Variants in ESR1 observed in about 807,000 individuals in gnomAD.
The protein encoded by ESR1 is estrogen receptor 1, also known as estrogen receptor.
A neutral mutation model predicts 52.7 loss-of-function variants in ESR1; 12 were observed. The observed-to-expected ratio is 0.23, with a 90% CI of 0.15 to 0.37. The LOEUF (loss-of-function observed/expected upper bound fraction) is 0.37, where lower values mean the gene tolerates loss of function less well. Among genes scored for constraint, ESR1 ranks in the 10% least tolerant of loss-of-function variants. The pLI is 1.00. For missense variants in ESR1, 584 were observed against 779.7 expected, an observed-to-expected ratio of 0.75 and a Z score of 2.99; for synonymous variants, 305 against 316.8, an observed-to-expected ratio of 0.96 and a Z score of 0.39.
At chr6:152,019,571 G>T (rs111531256) in intron 5 of ESR1, among the ~76,000 whole-genome samples, 84 of 152,224 alleles carry the variant, frequency 5.5e-4, no homozygotes, top group African/African-American at 1.9e-3. Flanking sequence ...TGTGTAGGAG[G>T]TTAATTTGAC....
rs1778117490 is a variant in ESR1, at chr6:151,807,764, C to G, written c.-149C>G. The G allele has an allele frequency of 2.5e-6, 2 of 797,136 alleles. No homozygotes were observed. The highest frequency in any genetic ancestry group is 3.4e-5 in the African/African-American group (2 of 58,956). 49.4% of individuals were successfully genotyped at this position (797,136 alleles called of 1,614,324 possible). On this transcript the variant is annotated 5_prime_UTR_variant, in exon 1 of 8. Coordinates refer to ENST00000206249, the MANE Select transcript of ESR1 (RefSeq NM_000125.4). The stretch of plus-strand genomic sequence containing the variant: ...TCACCGGACCCGCAGGCTCCCGGGG[C>G]AGGGCCGGGGCCAGAGCTCGCGTGT...
At chr6:151,764,901 T>G (rs1784929883) in intron 2 of ESR1, among the ~76,000 whole-genome samples, 1 of 152,180 alleles carries the variant, frequency 6.6e-6, no homozygotes, top group East Asian at 1.9e-4. Context: ...TTCTTTTTTT[T>G]GAATCAATTA....
At chr6:151,897,627 T>C (rs185487396) in intron 3 of ESR1, among the ~76,000 whole-genome samples, 274 of 152,338 alleles carry the variant, frequency 1.8e-3, no homozygotes, top group Non-Finnish European at 3.0e-3. Flanking sequence ...GGTGATTGCT[T>C]ATCCATTCTG....
intron 2 of ESR1, among the ~76,000 whole-genome samples, chr6:151,704,479 T>C (rs1780034435): frequency 6.6e-6 from 1 of 152,186 alleles, no homozygotes; most frequent in Non-Finnish European, 1.5e-5. Flanking sequence ...GGTCTTGAAC[T>C]CCTGACCTCA....
rs1778085376 is a variant in ESR1 at position 151,672,151 on chromosome 6, A to G, written n.73+15388A>G. On this transcript the variant is annotated intron_variant and non_coding_transcript_variant, in intron 1 of 2. Transcript: ENST00000473497. Reference sequence around the variant, plus strand: ...CCTGGACAACTTCGAAGTTCTTACCACAAAAAAATGATAAGTATGTGAGGT... The same window carrying G: ...CCTGGACAACTTCGAAGTTCTTACCGCAAAAAAATGATAAGTATGTGAGGT... 2.0e-5 allele frequency among the ~76,000 whole-genome samples: 3 copies of G among 151,256 alleles called. No individual in the cohort carries two copies. The South Asian group carries it at 6.3e-4, about 32-fold the overall frequency.
chr6:151,732,199 A>T (rs539314235), intron 2 of ESR1, among the ~76,000 whole-genome samples: 2 of 152,198 alleles, frequency 1.3e-5, no homozygotes, highest in Admixed American at 1.3e-4. Flanking sequence ...TCAATTATAA[A>T]ATTGCCACTA....
chr6:152,007,528 T>C (rs757988513), intron 4 of ESR1, among the ~76,000 whole-genome samples: 9 of 152,046 alleles, frequency 5.9e-5, no homozygotes, highest in Non-Finnish European at 1.0e-4. Context: ...CTGTTTTCAA[T>C]ATATCATCTC....
At chr6:152,003,635 T>G (rs1258623275) in intron 4 of ESR1, among the ~76,000 whole-genome samples, 1 of 151,888 alleles carries the variant, frequency 6.6e-6, no homozygotes, top group Non-Finnish European at 1.5e-5. Context: ...GCATAATTAT[T>G]TAGGAGAGGA....
intron 6 of ESR1, among the ~76,000 whole-genome samples, chr6:152,072,232 A>G (rs12055837): frequency 2.0e-5 from 3 of 151,994 alleles, no homozygotes; most frequent in African/African-American, 7.3e-5. Context: ...TGTTATGTTC[A>G]TTTTAAGTTT....
At chr6:151,670,964 C>G (rs1778036557) in intron 1 of ESR1, among the ~76,000 whole-genome samples, 1 of 151,930 alleles carries the variant, frequency 6.6e-6, no homozygotes. Flanking sequence ...GATGGGGTTT[C>G]ACCGTGTTGA....
chr6:151,685,834 T>C (rs954892395), upstream of ESR1, among the ~76,000 whole-genome samples: 1 of 152,312 alleles, frequency 6.6e-6, no homozygotes, highest in East Asian at 1.9e-4. Context: ...TATGTGTGTA[T>C]ATAAAGAGGA....
At chr6:151,786,801 A>C (rs12661437) in intron 2 of ESR1, among the ~76,000 whole-genome samples, 1 of 151,672 alleles carries the variant, frequency 6.6e-6, no homozygotes, top group African/African-American at 2.4e-5. Flanking sequence ...GAGTCTTTTC[A>C]CCATTGCTTA....
intron 2 of ESR1, among the ~76,000 whole-genome samples, chr6:151,782,656 A>C (rs1786657904): frequency 6.6e-6 from 1 of 151,972 alleles, no homozygotes; most frequent in African/African-American, 2.4e-5. Flanking sequence ...ACATTTTAAC[A>C]TTCCTCATTA....
chr6:151,835,539 G>A (rs1217123522), intron 1 of ESR1, among the ~76,000 whole-genome samples: 3 of 152,192 alleles, frequency 2.0e-5, no homozygotes, highest in Non-Finnish European at 4.4e-5. Flanking sequence ...AAGGTGTTAC[G>A]TATCTAAGAA....
Position 151,666,307 on chromosome 6 carries a change from G to C in ESR1, n.73+9544G>C, listed in dbSNP as rs117318855. 7.0e-3 allele frequency among the ~76,000 whole-genome samples: 1,063 copies of C among 152,306 alleles called. 3 individuals carry two copies. The highest frequency in any genetic ancestry group is 0.011 in the Non-Finnish European group (770 of 68,014). ...TGTGTGGTTGGTGTGGAGAGAGAGAGACACACGCACTTCCTTTAGCCATCA... is the reference window on the plus strand; with the variant it reads ...TGTGTGGTTGGTGTGGAGAGAGAGACACACACGCACTTCCTTTAGCCATCA... On this transcript the variant is annotated intron_variant and non_coding_transcript_variant, in intron 1 of 2. Coordinates refer to the ESR1 transcript ENST00000473497.
At chr6:152,076,161 G>A (rs1352278526) in intron 6 of ESR1, among the ~76,000 whole-genome samples, 1 of 152,174 alleles carries the variant, frequency 6.6e-6, no homozygotes, top group Admixed American at 6.5e-5. Flanking sequence ...TCCATGTGTT[G>A]TGGGAGGGAC....
chr6:151,827,874 AAC>A (rs1781771313), intron 1 of ESR1, among the ~76,000 whole-genome samples: 1 of 152,228 alleles, frequency 6.6e-6, no homozygotes, highest in African/African-American at 2.4e-5. Flanking sequence ...TTTAAAGATT[AAC>A]ATCAAGCATC....
intron 3 of ESR1, among the ~76,000 whole-genome samples, chr6:151,897,070 A>C (rs1795640772): frequency 6.6e-6 from 1 of 152,076 alleles, no homozygotes; most frequent in African/African-American, 2.4e-5. Flanking sequence ...TAATTTTCTT[A>C]GTTTTTTTGA....
At chr6:151,760,953 T>C (rs1376929076) in intron 2 of ESR1, among the ~76,000 whole-genome samples, 2 of 152,240 alleles carry the variant, frequency 1.3e-5, no homozygotes, top group Non-Finnish European at 2.9e-5. Context: ...TTTTGTGTGC[T>C]TATTAGCATA....
Sources: gnomAD v4.1 joint callset for allele counts (sites outside exome capture counted in the v4.1 genomes callset) on GRCh38, gnomAD v4.1.1 for gene constraint, MANE v1.5 for transcripts, NCBI Gene and HGNC (gene_info 2026-07-23, HGNC 2026-07-21) for gene names.